The following SYNRG variants were observed in gnomAD, a reference collection of about 807,000 sequenced individuals.
SYNRG encodes the protein AP1 gamma subunit binding protein 1.
In SYNRG, 37 loss-of-function variants were observed where a neutral mutation model predicts 130.9. The observed-to-expected ratio is 0.28, with a 90% CI of 0.22 to 0.37. The LOEUF (loss-of-function observed/expected upper bound fraction) is 0.37, where lower values mean the gene tolerates loss of function less well. Among genes scored for constraint, SYNRG ranks in the 10% least tolerant of loss-of-function variants. The probability of loss-of-function intolerance (pLI) is 1.00; values close to 1 mark genes in which losing one functional copy is unlikely to be tolerated. For synonymous variants in SYNRG, 539 were observed against 568.1 expected, an observed-to-expected ratio of 0.95 and a Z score of 0.73; for missense variants, 1,338 against 1,588.9, an observed-to-expected ratio of 0.84 and a Z score of 2.68.
rs1226570996 is a variant in SYNRG, at chr17:37,542,199, T to C, written c.2975A>G (p.Asp992Gly). The part of the protein sequence containing the change: ...NRDYKDFTKQ[D>G]LPTAERSQEA... ...CTGGCTCCGTTCAGCCGTAGGCAGG[T>C]CCTGTTTTGTGAAATCTTTATAGTC... Residue 992 changes from aspartate to glycine, a missense_variant, in exon 15 of 22, where the codon GAC becomes GGC. Physicochemically the swap from Asp to Gly is moderately conservative, Grantham distance 94 (BLOSUM62 -1). This residue lies in a region of SYNRG where 1,146 missense variants were observed against 1,342.3 expected (regional missense o/e 0.85). Coordinates refer to ENST00000612223, the MANE Select transcript of SYNRG (RefSeq NM_007247.6). 6 of 1,614,226 alleles carry C rather than the reference T, an allele frequency of 3.7e-6. No individual in the cohort carries two copies. The South Asian group carries it at 5.5e-5, about 15-fold the overall frequency.
chr17:37,580,478 C>G (rs1026493933), intron 6 of SYNRG, among the ~76,000 whole-genome samples: 1 of 121,960 alleles, frequency 8.2e-6, no homozygotes, highest in Non-Finnish European at 1.6e-5. Flanking sequence ...CTTTGTATTT[C>G]GTGTGTGTGT....
chr17:37,543,595 T>C (rs915194100), intron 14 of SYNRG, among the ~76,000 whole-genome samples: 2 of 152,224 alleles, frequency 1.3e-5, no homozygotes, highest in African/African-American at 4.8e-5. Context: ...GTTATGACCA[T>C]CAACCATGAT....
At chr17:37,608,043 C>T (rs1226794670) in intron 1 of SYNRG, among the ~76,000 whole-genome samples, 1 of 151,142 alleles carries the variant, frequency 6.6e-6, no homozygotes, top group Non-Finnish European at 1.5e-5. Context: ...CTTCTCCAGC[C>T]AGAAACTGGC....
chr17:37,539,066 C>T (rs1460202214), intron 17 of SYNRG, 126 bp downstream of exon 17: 1 of 1,494,474 alleles, frequency 6.7e-7, no homozygotes, highest in Non-Finnish European at 8.9e-7. Flanking sequence ...CAGAGTTACT[C>T]TTTGCCCAGG....
chr17:37,587,189 C>A (rs1344195609), intron 3 of SYNRG, among the ~76,000 whole-genome samples: 1 of 152,090 alleles, frequency 6.6e-6, no homozygotes, highest in South Asian at 2.1e-4. Context: ...TTGTGTCACC[C>A]AGGCTGGAGA....
chr17:37,538,237 A>C, intron 18 of SYNRG, 87 bp downstream of exon 18: 1 of 976,480 alleles, frequency 1.0e-6, no homozygotes, highest in Non-Finnish European at 1.5e-6. Context: ...ATGTAACTTG[A>C]GAGATCTAGC....
At position 37,517,928 on chromosome 17, in the gene SYNRG, CT is replaced by C. The variant is rs2054550685; in HGVS notation, c.*1011del. The C allele has an allele frequency of 6.6e-6, 1 of 152,192 alleles. No homozygotes were observed. The highest frequency in any genetic ancestry group is 1.5e-5 in the Non-Finnish European group (1 of 68,026). The allele number at this position is 152,192 out of a possible 1,614,324, so 9.4% of individuals were successfully genotyped here. On this transcript the variant is annotated 3_prime_UTR_variant, in exon 22 of 22. Transcript: ENST00000612223. Reference sequence around the variant, plus strand: ...TTCTATCTAAAATTCAGTACTGTTTCTGGACAATTTTCTTCTACTTCTTCTA... The same window carrying C: ...TTCTATCTAAAATTCAGTACTGTTTCGGACAATTTTCTTCTACTTCTTCTA...
rs377651049 is a variant in SYNRG, at chr17:37,561,221, T to C, written c.1637A>G (p.Glu546Gly). 22 of 1,613,904 alleles carry C rather than the reference T, an allele frequency of 1.4e-5. No individual in the cohort carries two copies. Among genetic ancestry groups the C allele is most frequent in the Non-Finnish European group, 1.8e-5 (21 of 1,179,942 alleles). Residue 546 changes from glutamate to glycine, a missense_variant, in exon 13 of 22, where the codon GAA becomes GGA. Physicochemically the swap from Glu to Gly is moderately conservative, Grantham distance 98 (BLOSUM62 -2). Around this residue, in one of 3 missense-constraint regions of SYNRG, gnomAD observed 1,146 missense variants for 1,342.3 expected, o/e 0.85. Transcript: ENST00000612223. ...GDKYSAFREL[E>G]QTAENKPLGE... is the part of the protein sequence containing the mutation. ...TAAAGGTTTATTCTCTGCTGTCTGT[T>C]CAAGTTCTCTGAAAGCACTATATTT...
intron 14 of SYNRG, among the ~76,000 whole-genome samples, chr17:37,550,910 GA>G (rs1191882528): frequency 1.3e-5 from 2 of 152,112 alleles, no homozygotes; most frequent in Non-Finnish European, 2.9e-5. Flanking sequence ...TAGTCAGGGG[GA>G]AAAAACAGCC....
At chr17:37,589,613 G>A (rs746047013) in intron 3 of SYNRG, among the ~76,000 whole-genome samples, 3 of 152,024 alleles carry the variant, frequency 2.0e-5, no homozygotes, top group Non-Finnish European at 4.4e-5. Flanking sequence ...GCCGGGCGTG[G>A]TGGCGGGCGC....
chr17:37,590,167 C>CAAAAA (rs539326843), intron 3 of SYNRG, among the ~76,000 whole-genome samples: 5 of 80,050 alleles, frequency 6.2e-5, no homozygotes, highest in Non-Finnish European at 5.3e-5. Flanking sequence ...GACTCTGTCT[C>CAAAAA]AAAAAAAAAA....
intron 19 of SYNRG, among the ~76,000 whole-genome samples, chr17:37,531,623 A>G (rs1399357181): frequency 1.3e-5 from 2 of 152,042 alleles, no homozygotes; most frequent in Non-Finnish European, 2.9e-5. Flanking sequence ...CAAAAAATAC[A>G]AAAACATTGG....
rs1187221456 is a variant in SYNRG, at chr17:37,575,840, C to CAA, written c.901+499_901+500dup. On this transcript the variant is annotated intron_variant, in intron 8 of 21. Transcript: ENST00000612223. Reference sequence around the variant, plus strand: ...CCTGGGTGACAGTAAGACCTTGTCTCAAAAAAAAAAAAAAAAAAAAGAGTA... The same window carrying CAA: ...CCTGGGTGACAGTAAGACCTTGTCTCAAAAAAAAAAAAAAAAAAAAAAGAGTA... 3.3e-3 allele frequency among the ~76,000 whole-genome samples: 208 copies of CAA among 63,212 alleles called. 2 individuals are homozygous for CAA. The highest frequency in any genetic ancestry group is 0.03 in the Middle Eastern group (3 of 100). The allele number at this position is 63,212 out of a possible 152,430, so 41.5% of individuals were successfully genotyped here. A position where few individuals can be genotyped will look rare whatever the true frequency, so the allele number is the denominator to read the frequency against.
At chr17:37,555,152 G>A (rs2059015818) in intron 13 of SYNRG, among the ~76,000 whole-genome samples, 1 of 151,738 alleles carries the variant, frequency 6.6e-6, no homozygotes, top group African/African-American at 2.4e-5. Context: ...TTGAGACAGA[G>A]TTTCATTATT....
chr17:37,605,645 C>A (rs2147168038), intron 1 of SYNRG, among the ~76,000 whole-genome samples: 1 of 152,270 alleles, frequency 6.6e-6, no homozygotes, highest in South Asian at 2.1e-4. Flanking sequence ...AATGTTTAGA[C>A]AACTAATAAC....
intron 19 of SYNRG, among the ~76,000 whole-genome samples, chr17:37,521,453 A>G (rs1399916296): frequency 6.6e-6 from 1 of 152,088 alleles, no homozygotes; most frequent in Non-Finnish European, 1.5e-5. Flanking sequence ...CAGCACAGGC[A>G]AAGGCTCTGA....
rs1215107715 is a variant in SYNRG, at chr17:37,517,096, C to T, written c.*1844G>A. On this transcript the variant is annotated 3_prime_UTR_variant, in exon 22 of 22. Coordinates refer to ENST00000612223, the MANE Select transcript of SYNRG (RefSeq NM_007247.6). ...GGGCGTGGTGGTGCACGCCTGTAAT[C>T]CCAGCTACTCACGAGGCTGAGGCAG... 1 of 152,462 alleles carries T rather than the reference C, an allele frequency of 6.6e-6. No homozygotes were observed. The highest frequency in any genetic ancestry group is 1.5e-5 in the Non-Finnish European group (1 of 68,294). The allele number at this position is 152,462 out of a possible 1,614,324, so 9.4% of individuals were successfully genotyped here.
chr17:37,536,150 A>G, intron 18 of SYNRG, 23 bp from the exon 19 acceptor site: 1 of 1,595,618 alleles, frequency 6.3e-7, no homozygotes, highest in Non-Finnish European at 8.5e-7. Context: ...GAGAGCAGAG[A>G]GAGAGTGTTG....
Position 37,533,593 on chromosome 17 carries a change from T to C in SYNRG, c.3666+2386A>G, listed in dbSNP as rs183792908. Reference sequence around the variant, plus strand: ...ATTTTCTTTCTTTTCTTTTTCTTTTTTTTTTTTTTTTGAGACAGAGATTCA... The same window carrying C: ...ATTTTCTTTCTTTTCTTTTTCTTTTCTTTTTTTTTTTGAGACAGAGATTCA... On this transcript the variant is annotated intron_variant, in intron 19 of 21. Transcript: ENST00000612223. 3.7e-3 allele frequency among the ~76,000 whole-genome samples: 546 copies of C among 148,750 alleles called. 5 individuals carry two copies. The highest frequency in any genetic ancestry group is 0.013 in the African/African-American group (525 of 40,908).
Sources: gnomAD v4.1 joint callset for allele counts (sites outside exome capture counted in the v4.1 genomes callset) on GRCh38, gnomAD v4.1.1 for gene constraint, gnomAD v4.1.1 regional missense constraint, MANE v1.5 for transcripts, NCBI Gene and HGNC (gene_info 2026-07-23, HGNC 2026-07-21) for gene names.